SHISA9: variants seen among roughly 807,000 people sequenced by gnomAD.
SHISA9 encodes protein shisa-9.
In SHISA9, 13 loss-of-function variants were observed where a neutral mutation model predicts 38.0. That is an observed-to-expected ratio of 0.34 (90% CI 0.22 to 0.54). The LOEUF is 0.54. Ranked by LOEUF, SHISA9 falls within the 20% of genes least tolerant of loss-of-function variation. The pLI is 0.91. For synonymous variants in SHISA9, 275 were observed against 242.0 expected, an observed-to-expected ratio of 1.14 and a Z score of -1.27; for missense variants, 538 against 575.8, an observed-to-expected ratio of 0.93 and a Z score of 0.67.
intron 2 of SHISA9, among the ~76,000 whole-genome samples, chr16:13,121,018 C>A (rs2050204347): frequency 6.6e-6 from 1 of 151,952 alleles, no homozygotes; most frequent in Non-Finnish European, 1.5e-5. Flanking sequence ...CACTGCAGGG[C>A]TGGGCAGTAG....
At chr16:13,102,483 T>C (rs577522214) in intron 2 of SHISA9, among the ~76,000 whole-genome samples, 6 of 152,332 alleles carry the variant, frequency 3.9e-5, no homozygotes, top group Admixed American at 1.3e-4. Context: ...CCACTGATGC[T>C]ATTCTGGAAC....
At chr16:13,253,009 G>A in the SHISA9 span, among the ~76,000 whole-genome samples, 3 of 152,196 alleles carry the variant, frequency 2.0e-5, no homozygotes, top group African/African-American at 7.2e-5. Flanking sequence ...TGAAGACGAT[G>A]AGGATGAAGA....
At chr16:13,426,998 A>G in the SHISA9 span, among the ~76,000 whole-genome samples, 1 of 152,172 alleles carries the variant, frequency 6.6e-6, no homozygotes, top group Non-Finnish European at 1.5e-5. Context: ...ACTCATGCCG[A>G]TTGTCTACTA....
At chr16:13,347,218 G>A in the SHISA9 span, among the ~76,000 whole-genome samples, 1 of 152,098 alleles carries the variant, frequency 6.6e-6, no homozygotes, top group Non-Finnish European at 1.5e-5. Flanking sequence ...TTTTGAGCAC[G>A]GGGTCAGGTA....
the SHISA9 span, among the ~76,000 whole-genome samples, chr16:13,284,532 C>A: frequency 6.6e-6 from 1 of 152,124 alleles, no homozygotes; most frequent in African/African-American, 2.4e-5. Flanking sequence ...TGTGATTTAC[C>A]TGCTGATTAC....
the SHISA9 span, among the ~76,000 whole-genome samples, chr16:13,328,287 G>C: frequency 6.6e-6 from 1 of 152,110 alleles, no homozygotes; most frequent in South Asian, 2.1e-4. Flanking sequence ...TTTCTAGTTA[G>C]AGTCTATTTT....
At chr16:13,152,641 A>G (rs988169363) in intron 2 of SHISA9, among the ~76,000 whole-genome samples, 2 of 152,182 alleles carry the variant, frequency 1.3e-5, no homozygotes, top group African/African-American at 4.8e-5. Context: ...TGCCAGGACA[A>G]TCTTGGGTCA....
chr16:13,023,229 C>T (rs1301575484), intron 2 of SHISA9, among the ~76,000 whole-genome samples: 2 of 152,158 alleles, frequency 1.3e-5, no homozygotes, highest in African/African-American at 4.8e-5. Flanking sequence ...TCCAAGTGAT[C>T]TCATTGTTCA....
At chr16:12,973,216 C>T (rs2072108593) in intron 2 of SHISA9, among the ~76,000 whole-genome samples, 1 of 152,206 alleles carries the variant, frequency 6.6e-6, no homozygotes, top group South Asian at 2.1e-4. Context: ...AGGAGCCTGG[C>T]AGCTGAATCC....
the SHISA9 span, among the ~76,000 whole-genome samples, chr16:13,529,101 A>G: frequency 1.3e-5 from 2 of 152,242 alleles, no homozygotes; most frequent in Admixed American, 1.3e-4. Context: ...AACATGCCTC[A>G]TGACAGCCCC....
chr16:13,184,266 A>G (rs926518470), intron 2 of SHISA9, among the ~76,000 whole-genome samples: 1 of 152,108 alleles, frequency 6.6e-6, no homozygotes, highest in Non-Finnish European at 1.5e-5. Flanking sequence ...TTTTGTTTCC[A>G]GACTCTATCA....
chr16:13,485,486 C>A, the SHISA9 span, among the ~76,000 whole-genome samples: 1 of 151,916 alleles, frequency 6.6e-6, no homozygotes, highest in African/African-American at 2.4e-5. Context: ...TCCCTTTTTC[C>A]TTTTTTATTG....
intron 2 of SHISA9, among the ~76,000 whole-genome samples, chr16:13,110,268 C>A (rs1303618497): frequency 6.6e-6 from 1 of 152,180 alleles, no homozygotes; most frequent in Non-Finnish European, 1.5e-5. Flanking sequence ...GCCAAGCCTC[C>A]CATTCCTGCC....
the SHISA9 span, among the ~76,000 whole-genome samples, chr16:13,463,794 C>T: frequency 2.0e-5 from 3 of 152,254 alleles, no homozygotes; most frequent in South Asian, 6.2e-4. Context: ...TCCCGTGTCA[C>T]ATCCCTTCCC....
chr16:13,295,252 A>G, the SHISA9 span, among the ~76,000 whole-genome samples: 1 of 152,196 alleles, frequency 6.6e-6, no homozygotes, highest in East Asian at 1.9e-4. Context: ...ACAAAGGAAA[A>G]TATATCTGGG....
chr16:13,552,139 A>G, the SHISA9 span, among the ~76,000 whole-genome samples: 2 of 152,196 alleles, frequency 1.3e-5, no homozygotes, highest in Non-Finnish European at 2.9e-5. Context: ...TGAAGTAGTC[A>G]GAAAATAAGA....
chr16:13,057,897 C>T (rs2073328808), intron 2 of SHISA9, among the ~76,000 whole-genome samples: 1 of 152,118 alleles, frequency 6.6e-6, no homozygotes, highest in Admixed American at 6.5e-5. Flanking sequence ...TGAGAACATC[C>T]AGTGTTTAGT....
At chr16:13,110,052 A>C (rs1291853183) in intron 2 of SHISA9, among the ~76,000 whole-genome samples, 3 of 152,142 alleles carry the variant, frequency 2.0e-5, no homozygotes, top group Non-Finnish European at 4.4e-5. Flanking sequence ...TATTAAGATT[A>C]TATTCAACTT....
At chr16:13,242,509 T>C (rs2051442742), downstream of SHISA9, among the ~76,000 whole-genome samples, 2 of 152,182 alleles carry the variant, frequency 1.3e-5, no homozygotes, top group South Asian at 2.1e-4. Context: ...TGGACCTGTG[T>C]GCTTCTAGAG....
Sources: allele counts gnomAD v4.1 joint callset (sites outside exome capture counted in the v4.1 genomes callset), GRCh38; gene constraint gnomAD v4.1.1; transcripts MANE v1.5; gene names NCBI Gene and HGNC (gene_info 2026-07-23, HGNC 2026-07-21).